Variants in RCC1 observed in about 807,000 individuals in gnomAD.
RCC1 encodes the protein regulator of chromosome condensation 1.
Under a neutral mutation model 44.4 loss-of-function variants are expected in RCC1, and 11 were observed. The ratio of observed to expected loss-of-function variants is 0.25; its 90% CI spans 0.16 to 0.41. The LOEUF (loss-of-function observed/expected upper bound fraction) is 0.41, where lower values mean the gene tolerates loss of function less well. RCC1 is among the 10% of genes least tolerant of loss of function. The pLI is 1.00. For synonymous variants in RCC1, 213 were observed against 216.5 expected, an observed-to-expected ratio of 0.98 and a Z score of 0.14; for missense variants, 386 against 547.1, an observed-to-expected ratio of 0.71 and a Z score of 2.94.
At chr1:28,528,788 G>T (rs1466223992) in intron 4 of RCC1, among the ~76,000 whole-genome samples, 2 of 117,586 alleles carry the variant, frequency 1.7e-5, no homozygotes, top group African/African-American at 3.5e-5. Context: ...CATATTTTTT[G>T]TGTATGCATT....
At chr1:28,532,378 G>A (rs941061544) in intron 7 of RCC1, 28 bp downstream of exon 7, 12 of 1,610,788 alleles carry the variant, frequency 7.4e-6, no homozygotes, top group Non-Finnish European at 9.3e-6. Context: ...AGTCTGCATG[G>A]TCCCTGAAAG....
At chr1:28,522,015 T>A (rs1663314987) in intron 4 of RCC1, among the ~76,000 whole-genome samples, 1 of 152,208 alleles carries the variant, frequency 6.6e-6, no homozygotes, top group Non-Finnish European at 1.5e-5. Flanking sequence ...TTCTTCAGCT[T>A]CCTGTGAGGA....
At chr1:28,514,232 C>CGAGATCAG (rs2124613686) in intron 3 of RCC1, among the ~76,000 whole-genome samples, 1 of 151,644 alleles carries the variant, frequency 6.6e-6, no homozygotes, top group East Asian at 1.9e-4. Context: ...GGGCGGATCA[C>CGAGATCAG]GAGATCAGGA....
At chr1:28,518,291 T>G (rs889497183) in intron 4 of RCC1, 2 of 152,178 alleles carry the variant, frequency 1.3e-5, no homozygotes, top group African/African-American at 4.8e-5. Flanking sequence ...GAGTTCCTTG[T>G]GGCCGACGTG....
chr1:28,538,071 A>T lies in RCC1; in HGVS notation c.*64A>T. On this transcript the variant is annotated 3_prime_UTR_variant, in exon 13 of 13. Transcript: ENST00000683442. ...TCCCTCACAGAACAGGGAAGCAGTG[A>T]CAGCTGCAGATGGCAGCGGGCCTCT... 9.3e-6 allele frequency: 14 copies of T among 1,504,132 alleles called. No homozygotes were observed. The highest frequency in any genetic ancestry group is 1.3e-5 in the Non-Finnish European group (14 of 1,106,008). 93.2% of individuals were successfully genotyped at this position (1,504,132 alleles called of 1,614,324 possible). A position where few individuals can be genotyped will look rare whatever the true frequency, so the allele number is the denominator to read the frequency against.
intron 1 of RCC1, chr1:28,507,305 A>G: frequency 2.0e-6 from 1 of 510,708 alleles, no homozygotes; most frequent in Non-Finnish European, 3.9e-6. Flanking sequence ...ATCTGTAGTA[A>G]CATGAATGGA....
At chr1:28,528,001 C>T (rs1663789329) in intron 4 of RCC1, among the ~76,000 whole-genome samples, 1 of 128,954 alleles carries the variant, frequency 7.8e-6, no homozygotes, top group Admixed American at 8.0e-5. Context: ...AAGAACAAAA[C>T]TCTGCTTCAA....
At chr1:28,506,570 C>A in intron 1 of RCC1, 1 of 217,394 alleles carries the variant, frequency 4.6e-6, no homozygotes, top group South Asian at 5.2e-5. Context: ...GGGCCTGGGC[C>A]AGAAGTGGGC....
intron 1 of RCC1, chr1:28,507,306 C>T (rs1025467944): frequency 5.5e-5 from 28 of 510,648 alleles, no homozygotes; most frequent in Non-Finnish European, 1.1e-4. Context: ...TCTGTAGTAA[C>T]ATGAATGGAT....
chr1:28,533,340 G>A (rs1241951687), intron 7 of RCC1, among the ~76,000 whole-genome samples: 5 of 151,776 alleles, frequency 3.3e-5, no homozygotes, highest in African/African-American at 9.7e-5. Context: ...GCGTGGTGGC[G>A]GGTGCCTGTA....
Position 28,531,990 on chromosome 1 carries a change from G to T in RCC1, c.261G>T (p.Gln87His). 6.4e-7 allele frequency: 1 copy of T among 1,569,916 alleles called. No individual in the cohort carries two copies. Among genetic ancestry groups the T allele is most frequent in the Non-Finnish European group, 8.6e-7 (1 of 1,159,444 alleles). ...CCGTGTGTCTAAGCAAAAGTGGCCA[G>T]GTAGGTGTTGGGGACTGGCACAGGG... is the stretch of plus-strand genomic sequence containing the variant. Reference protein sequence around the residue: ...MHTVCLSKSGQVYSFGCNDEG... With the variant: ...MHTVCLSKSGHVYSFGCNDEG... The change falls in exon 6 of 13, where the codon CAG (glutamine) becomes CAT (histidine). Residue 87 changes from glutamine to histidine, a missense_variant and splice_region_variant. Physicochemically the swap from Gln to His is conservative, Grantham distance 24. Transcript: ENST00000683442.
Position 28,530,006 on chromosome 1 carries a change from G to T in RCC1, c.73+67G>T, listed in dbSNP as rs1664024013. 2.3e-5 allele frequency: 29 copies of T among 1,258,084 alleles called. No individual in the cohort carries two copies. In the South Asian group the frequency reaches 2.7e-4, roughly 12 times the overall value. The allele number at this position is 1,258,084 out of a possible 1,614,324, so 77.9% of individuals were successfully genotyped here. A position where few individuals can be genotyped will look rare whatever the true frequency, so the allele number is the denominator to read the frequency against. ...TGAAACCCTAAGAACCCGGGACTGG[G>T]CTCCTTTCTTCCTGAGGCTTGAAGC... On this transcript the variant is annotated intron_variant, in intron 5 of 12. Transcript: ENST00000683442.
chr1:28,526,759 C>T (rs1663689569), intron 4 of RCC1: 9 of 538,314 alleles, frequency 1.7e-5, no homozygotes, highest in South Asian at 4.8e-5. Flanking sequence ...AGCCAGGCGT[C>T]GTGGCAGGCG....
At chr1:28,509,006 C>A in intron 3 of RCC1, 101 bp downstream of exon 3, 1 of 422,676 alleles carries the variant, frequency 2.4e-6, no homozygotes, top group Middle Eastern at 3.7e-4. Context: ...GAGAGTCTTG[C>A]TCTGTCGCCC....
intron 3 of RCC1, among the ~76,000 whole-genome samples, chr1:28,512,916 T>G (rs1662649588): frequency 6.6e-6 from 1 of 151,448 alleles, no homozygotes; most frequent in South Asian, 2.1e-4. Flanking sequence ...TGCCTCAGCG[T>G]CCCCAGCAGC....
intron 1 of RCC1, chr1:28,507,420 AG>A (rs1195704593): frequency 1.9e-6 from 1 of 519,090 alleles, no homozygotes; most frequent in Non-Finnish European, 3.8e-6. Context: ...CAAGTGGCGT[AG>A]GGGAGCATAG....
chr1:28,534,965 C>A, intron 7 of RCC1, 85 bp from the exon 8 acceptor site: 2 of 1,012,732 alleles, frequency 2.0e-6, no homozygotes, highest in Admixed American at 1.7e-5. Flanking sequence ...CTTCTCCATC[C>A]CCATCTGGTG....
At chr1:28,530,417 T>C in intron 5 of RCC1, 1 of 975,936 alleles carries the variant, frequency 1.0e-6, no homozygotes, top group Non-Finnish European at 1.5e-6. Context: ...GGCTGTGGTT[T>C]CCTCTGTCCT....
intron 4 of RCC1, among the ~76,000 whole-genome samples, chr1:28,519,570 AT>A (rs771304636): frequency 7.6e-4 from 111 of 145,570 alleles, no homozygotes; most frequent in African/African-American, 9.3e-4. Flanking sequence ...TGAGGATATA[AT>A]TTTTTTTTTT....
Sources: gnomAD v4.1 joint callset for allele counts (sites outside exome capture counted in the v4.1 genomes callset) on GRCh38, gnomAD v4.1.1 for gene constraint, MANE v1.5 for transcripts, NCBI Gene and HGNC (gene_info 2026-07-23, HGNC 2026-07-21) for gene names.